XPNPEP1: variants seen among roughly 807,000 people sequenced by gnomAD.
XPNPEP1 encodes the protein xaa-Pro aminopeptidase 1.
In XPNPEP1, 39 loss-of-function variants were observed where a neutral mutation model predicts 92.4. The ratio of observed to expected loss-of-function variants is 0.42; its 90% CI spans 0.33 to 0.55. The LOEUF (loss-of-function observed/expected upper bound fraction) is 0.55. Among genes scored for constraint, XPNPEP1 ranks in the 20% least tolerant of loss-of-function variants. The pLI is 0.08. For synonymous variants in XPNPEP1, 307 were observed against 299.4 expected (o/e 1.03, Z -0.26); for missense variants, 654 against 856.1 (o/e 0.76, Z 2.95).
intron 12 of XPNPEP1, among the ~76,000 whole-genome samples, chr10:109,878,895 G>GA (rs552580800): frequency 2.7e-5 from 4 of 150,470 alleles, no homozygotes; most frequent in South Asian, 2.1e-4. Context: ...AAAAAAAAAA[G>GA]AAAAAAAATT....
intron 3 of XPNPEP1, 74 bp from the exon 4 acceptor site, chr10:109,893,149 G>A: frequency 3.5e-6 from 5 of 1,417,678 alleles, no homozygotes; most frequent in Non-Finnish European, 4.9e-6. Context: ...TTAGCCTTGT[G>A]CTAGGCTCAG....
intron 2 of XPNPEP1, among the ~76,000 whole-genome samples, chr10:109,909,046 G>A (rs549544610): frequency 5.9e-5 from 9 of 151,510 alleles, no homozygotes; most frequent in Non-Finnish European, 1.2e-4. Flanking sequence ...CAAAGCAGGC[G>A]GACCACAAGG....
chr10:109,870,687 A>C, intron 18 of XPNPEP1, 44 bp downstream of exon 18: 2 of 1,546,714 alleles, frequency 1.3e-6, no homozygotes, highest in Non-Finnish European at 1.7e-6. Context: ...GCTTTCAAAA[A>C]GGCTCAAGGA....
intron 8 of XPNPEP1, 68 bp from the exon 9 acceptor site, chr10:109,884,216 A>G: frequency 6.1e-6 from 9 of 1,485,732 alleles, no homozygotes; most frequent in Non-Finnish European, 8.4e-6. Flanking sequence ...TTGTAGCGGG[A>G]GGGAAGAGCT....
At chr10:109,868,477 G>T in intron 20 of XPNPEP1, 137 bp downstream of exon 20, 1 of 789,346 alleles carries the variant, frequency 1.3e-6, no homozygotes, top group Non-Finnish European at 2.0e-6. Context: ...GACTCAACTG[G>T]CCTAGACCTC....
intron 1 of XPNPEP1, 72 bp from the exon 2 acceptor site, chr10:109,915,171 G>T: frequency 1.1e-6 from 1 of 907,600 alleles, no homozygotes; most frequent in Non-Finnish European, 1.6e-6. Flanking sequence ...GTTAGAGGAG[G>T]CATCGCTTAA....
At chr10:109,907,056 G>C (rs146984759) in intron 3 of XPNPEP1, among the ~76,000 whole-genome samples, 6 of 152,192 alleles carry the variant, frequency 3.9e-5, no homozygotes, top group African/African-American at 1.4e-4. Context: ...TCTATATCAT[G>C]TCTAATACCT....
intron 6 of XPNPEP1, 105 bp from the exon 7 acceptor site, chr10:109,888,297 T>C (rs1194933804): frequency 3.4e-6 from 5 of 1,473,636 alleles, no homozygotes; most frequent in East Asian, 2.4e-5. Flanking sequence ...GGTCCTGCCA[T>C]GGCCCAGAGC....
intron 2 of XPNPEP1, among the ~76,000 whole-genome samples, chr10:109,908,237 G>T (rs1238028213): frequency 2.0e-5 from 3 of 152,148 alleles, no homozygotes; most frequent in Non-Finnish European, 2.9e-5. Context: ...AAATTACACA[G>T]ACCTAGAAAA....
intron 1 of XPNPEP1, among the ~76,000 whole-genome samples, chr10:109,919,752 C>T (rs940734537): frequency 3.9e-5 from 6 of 152,146 alleles, no homozygotes; most frequent in African/African-American, 1.4e-4. Flanking sequence ...AGGGAAATCA[C>T]GCCAGGCGCG....
At chr10:109,898,383 A>C (rs1161142495) in intron 3 of XPNPEP1, among the ~76,000 whole-genome samples, 1 of 152,270 alleles carries the variant, frequency 6.6e-6, no homozygotes, top group Non-Finnish European at 1.5e-5. Flanking sequence ...ACAATCGGCA[A>C]TAGTAGACAG....
At position 109,881,335 on chromosome 10, in the gene XPNPEP1, C is replaced by T. The variant is rs561946996; in HGVS notation, c.1042-404G>A. ...CTTTTTCTCCCTGTCTAGCCATGCA[C>T]ATGACCTGATGAGTGAGGTCTCCTG... On this transcript the variant is annotated intron_variant, in intron 10 of 20. Transcript: ENST00000502935. Among the ~76,000 whole-genome samples the T allele has an allele frequency of 6.6e-5, 10 of 152,308 alleles. No individual in the cohort carries two copies. In the South Asian group the frequency reaches 1.9e-3, roughly 28 times the overall value.
intron 1 of XPNPEP1, among the ~76,000 whole-genome samples, chr10:109,921,266 C>G (rs1850521976): frequency 6.6e-6 from 1 of 152,216 alleles, no homozygotes; most frequent in South Asian, 2.1e-4. Flanking sequence ...CTCAAGGCCT[C>G]ACAGCTAACT....
chr10:109,887,571 C>T (rs1409411341), intron 7 of XPNPEP1, among the ~76,000 whole-genome samples: 2 of 152,276 alleles, frequency 1.3e-5, no homozygotes, highest in Middle Eastern at 3.4e-3. Context: ...GTTCAGAGAA[C>T]ATGCTGCTTA....
intron 3 of XPNPEP1, among the ~76,000 whole-genome samples, chr10:109,896,273 C>CTTTTTTTT (rs57532455): frequency 1.5e-5 from 2 of 135,814 alleles, no homozygotes; most frequent in Non-Finnish European, 3.2e-5. Context: ...AGATATTTGT[C>CTTTTTTTT]TTTTTTTTTT....
At chr10:109,886,195 C>T (rs1028437782) in intron 8 of XPNPEP1, 51 bp downstream of exon 8, 1 of 1,584,496 alleles carries the variant, frequency 6.3e-7, no homozygotes, top group African/African-American at 1.3e-5. Context: ...ACCCAGAGAC[C>T]CAAAGGAGAG....
intron 14 of XPNPEP1, chr10:109,876,297 C>T (rs992788171): frequency 6.6e-6 from 1 of 152,266 alleles, no homozygotes; most frequent in Non-Finnish European, 1.5e-5. Flanking sequence ...CTCTGCCCTG[C>T]AGCTGAAGTG....
intron 11 of XPNPEP1, among the ~76,000 whole-genome samples, chr10:109,880,531 G>A (rs1004889197): frequency 3.9e-5 from 6 of 152,090 alleles, no homozygotes; most frequent in African/African-American, 7.2e-5. Flanking sequence ...CCCTACAGGG[G>A]CCAGGAAAAA....
chr10:109,870,623 G>T (rs570260567), intron 18 of XPNPEP1, 108 bp downstream of exon 18: 3 of 1,408,618 alleles, frequency 2.1e-6, no homozygotes, highest in Non-Finnish European at 2.9e-6. Flanking sequence ...TGTTGGAAGG[G>T]AAAAGTATTG....
Sources: allele counts gnomAD v4.1 joint callset (sites outside exome capture counted in the v4.1 genomes callset), GRCh38; gene constraint gnomAD v4.1.1; transcripts MANE v1.5; gene names NCBI Gene and HGNC (gene_info 2026-07-23, HGNC 2026-07-21).